The following ARNT variants were observed in gnomAD, a reference collection of about 807,000 sequenced individuals.
ARNT encodes aryl hydrocarbon receptor nuclear translocator.
Under a neutral mutation model 105.0 loss-of-function variants are expected in ARNT, and 30 were observed. That is an observed-to-expected ratio of 0.29 (90% CI 0.21 to 0.39). The LOEUF is 0.39. ARNT is among the 10% of genes least tolerant of loss of function. ARNT has a pLI of 1.00. For synonymous variants in ARNT, 304 were observed against 344.0 expected, an observed-to-expected ratio of 0.88 and a Z score of 1.29; for missense variants, 748 against 978.7, an observed-to-expected ratio of 0.76 and a Z score of 3.15.
At chr1:150,869,804 T>C (rs587650701) in intron 1 of ARNT, among the ~76,000 whole-genome samples, 2 of 151,894 alleles carry the variant, frequency 1.3e-5, no homozygotes, top group East Asian at 3.9e-4. Flanking sequence ...CCTCTCACCC[T>C]GGCCTCTCAA....
chr1:150,875,051 C>T (rs1571567786), intron 1 of ARNT, among the ~76,000 whole-genome samples: 1 of 152,144 alleles, frequency 6.6e-6, no homozygotes, highest in African/African-American at 2.4e-5. Context: ...AAGAGAAATG[C>T]TTTGCAATTT....
At chr1:150,855,381 C>T (rs1380326266) in intron 2 of ARNT, among the ~76,000 whole-genome samples, 3 of 151,008 alleles carry the variant, frequency 2.0e-5, no homozygotes, top group African/African-American at 7.3e-5. Flanking sequence ...GGTAAAACCC[C>T]GTCTCTACTA....
chr1:150,851,209 C>T (rs1459089582), intron 3 of ARNT, among the ~76,000 whole-genome samples: 4 of 149,392 alleles, frequency 2.7e-5, no homozygotes, highest in Non-Finnish European at 3.0e-5. Flanking sequence ...GGCCAGCCCC[C>T]GCCCGGCCAG....
At chr1:150,871,456 A>G (rs1247934284) in intron 1 of ARNT, among the ~76,000 whole-genome samples, 1 of 150,274 alleles carries the variant, frequency 6.7e-6, no homozygotes, top group Non-Finnish European at 1.5e-5. Context: ...ACCTGCCACC[A>G]TGCCTGGCTA....
In ARNT at chr1:150,866,043, C is replaced by T. The variant is rs758221572; in HGVS notation, c.26-7583G>A. Among the ~76,000 whole-genome samples, 83 of 149,250 alleles carry T rather than the reference C, an allele frequency of 5.6e-4. 1 individual carries two copies. The highest frequency in any genetic ancestry group is 1.1e-3 in the Non-Finnish European group (72 of 67,684). On this transcript the variant is annotated intron_variant, in intron 1 of 21. Coordinates refer to ENST00000358595, the MANE Select transcript of ARNT (RefSeq NM_001668.4). ...TTTTGCCCAGGCTGGTGTGCAGTGG[C>T]GTGATCTCGGCTCACTGCAACCTCT...
Position 150,829,149 on chromosome 1 carries a change from C to A in ARNT, c.1111G>T (p.Gly371Cys). The A allele has an allele frequency of 6.2e-7, 1 of 1,614,116 alleles. No homozygotes were observed. The highest frequency in any genetic ancestry group is 8.5e-7 in the Non-Finnish European group (1 of 1,180,002). The change falls in exon 12 of 22, where the codon GGT becomes TGT. Residue 371 changes from glycine to cysteine, a missense_variant. This residue lies in a region of ARNT where 291 missense variants were observed against 444.6 expected (regional missense o/e 0.65). Transcript: ENST00000358595. ...TEFISRHNIE[G>C]IFTFVDHRCV... Reference sequence around the variant, plus strand: ...CGGTGATCCACAAAAGTGAAGATACCCTCAATGTTGTGTCGGGAGATGAAC... The same window carrying A: ...CGGTGATCCACAAAAGTGAAGATACACTCAATGTTGTGTCGGGAGATGAAC...
chr1:150,851,919 G>A (rs1244705804), intron 3 of ARNT, among the ~76,000 whole-genome samples: 1 of 151,908 alleles, frequency 6.6e-6, no homozygotes, highest in African/African-American at 2.4e-5. Flanking sequence ...ATGGTGGCAC[G>A]CACCTGTAGT....
intron 2 of ARNT, 86 bp from the exon 3 acceptor site, chr1:150,852,892 A>G (rs1279093897): frequency 1.0e-5 from 15 of 1,486,628 alleles, no homozygotes; most frequent in Non-Finnish European, 1.4e-5. Context: ...AAGCTACCGG[A>G]ACACCCACCC....
chr1:150,858,508 C>T, intron 1 of ARNT, 48 bp from the exon 2 acceptor site: 2 of 1,398,366 alleles, frequency 1.4e-6, no homozygotes, highest in African/African-American at 1.4e-5. Flanking sequence ...ACAGTCCTTG[C>T]TTATCATCAG....
At chr1:150,861,744 A>C (rs1665682904) in intron 1 of ARNT, among the ~76,000 whole-genome samples, 1 of 152,236 alleles carries the variant, frequency 6.6e-6, no homozygotes, top group Admixed American at 6.5e-5. Context: ...TACCCAAAAA[A>C]AAGGGTCATA....
intron 1 of ARNT, among the ~76,000 whole-genome samples, chr1:150,862,712 TAAAAAAAAAAAAAAA>T (rs56147665): frequency 3.0e-5 from 2 of 66,594 alleles, no homozygotes; most frequent in Admixed American, 4.1e-4. Flanking sequence ...CCTGCCTCTG[TAAAAAAAAAAAAAAA>T]AAAAAAAAAG....
At chr1:150,875,501 AAC>A (rs10305653) in intron 1 of ARNT, among the ~76,000 whole-genome samples, 4 of 152,134 alleles carry the variant, frequency 2.6e-5, no homozygotes, top group East Asian at 1.9e-4. Flanking sequence ...CGCCCCACGC[AAC>A]ACACACACAT....
chr1:150,814,198 C>G lies in ARNT; in HGVS notation c.1992G>C (p.Gln664His), dbSNP rs1655347413. 6.2e-7 allele frequency: 1 copy of G among 1,614,122 alleles called. No individual in the cohort carries two copies. The highest frequency in any genetic ancestry group is 1.3e-5 in the African/African-American group (1 of 75,006). ...GAGTCTGAAAGCTGCCCACACCAAACTGGGAAGTACGAGTCTTAGCAGTAG... is the reference window on the plus strand; with the variant it reads ...GAGTCTGAAAGCTGCCCACACCAAAGTGGGAAGTACGAGTCTTAGCAGTAG... Reference protein sequence around the residue: ...TQATAKTRTSQFGVGSFQTPS... With the variant: ...TQATAKTRTSHFGVGSFQTPS... The change falls in exon 20 of 22, where the codon CAG (glutamine) becomes CAC (histidine). Residue 664 changes from glutamine to histidine, a missense_variant. Physicochemically the swap from Gln to His is conservative, Grantham distance 24 (BLOSUM62 0). This residue lies in a region of ARNT where 360 missense variants were observed against 411.9 expected (regional missense o/e 0.87). Transcript: ENST00000358595.
chr1:150,854,855 C>A (rs1664295588), intron 2 of ARNT, among the ~76,000 whole-genome samples: 1 of 71,686 alleles, frequency 1.4e-5, no homozygotes. Context: ...GAAACTACAT[C>A]TCAAAAAAAA....
At chr1:150,858,968 T>C (rs959556103) in intron 1 of ARNT, among the ~76,000 whole-genome samples, 7 of 151,848 alleles carry the variant, frequency 4.6e-5, no homozygotes, top group Non-Finnish European at 8.8e-5. Context: ...CATACTTCAG[T>C]TCCCCCCATG....
intron 3 of ARNT, among the ~76,000 whole-genome samples, chr1:150,846,586 A>G (rs1425795190): frequency 1.3e-5 from 2 of 152,192 alleles, no homozygotes; most frequent in African/African-American, 2.4e-5. Context: ...GCACAATTCT[A>G]AAGTAAGGGG....
At chr1:150,850,973 C>T (rs1663302050) in intron 3 of ARNT, among the ~76,000 whole-genome samples, 3 of 150,230 alleles carry the variant, frequency 2.0e-5, no homozygotes, top group Admixed American at 6.6e-5. Context: ...GCCCGGCAGC[C>T]GCCCCGTCTG....
intron 1 of ARNT, among the ~76,000 whole-genome samples, chr1:150,860,215 A>ATTTT (rs1665371914): frequency 1.5e-5 from 1 of 65,520 alleles, no homozygotes; most frequent in African/African-American, 5.4e-5. Context: ...AAAAAAAAAA[A>ATTTT]TTCTTTTTTT....
intron 1 of ARNT, among the ~76,000 whole-genome samples, chr1:150,862,158 G>C (rs371216935): frequency 1.3e-5 from 2 of 152,048 alleles, no homozygotes; most frequent in African/African-American, 4.8e-5. Context: ...ATAGTACTCT[G>C]TACTATAAAT....
Sources: gnomAD v4.1 joint callset for allele counts (sites outside exome capture counted in the v4.1 genomes callset) on GRCh38, gnomAD v4.1.1 for gene constraint, gnomAD v4.1.1 regional missense constraint, MANE v1.5 for transcripts, NCBI Gene and HGNC (gene_info 2026-07-23, HGNC 2026-07-21) for gene names.